The following CDK19 variants were observed in gnomAD, a reference collection of about 807,000 sequenced individuals.
The protein encoded by CDK19 is cyclin-dependent kinase 19.
Under a neutral mutation model 68.3 loss-of-function variants are expected in CDK19, and 20 were observed. That is an observed-to-expected ratio of 0.29 (90% CI 0.21 to 0.43). CDK19 has a LOEUF of 0.43. Among genes scored for constraint, CDK19 ranks in the 20% least tolerant of loss-of-function variants. CDK19 has a pLI of 1.00. For missense variants in CDK19, 339 were observed against 623.5 expected, an observed-to-expected ratio of 0.54 and a Z score of 4.86; for synonymous variants, 221 against 222.8, an observed-to-expected ratio of 0.99 and a Z score of 0.07.
intron 1 of CDK19, among the ~76,000 whole-genome samples, chr6:110,785,780 C>A (rs1274286845): frequency 2.0e-5 from 3 of 151,974 alleles, no homozygotes; most frequent in Non-Finnish European, 4.4e-5. Flanking sequence ...TGGGAGTTGG[C>A]GACCAGCCTG....
intron 1 of CDK19, among the ~76,000 whole-genome samples, chr6:110,789,822 T>A (rs1781472901): frequency 6.6e-6 from 1 of 152,216 alleles, no homozygotes; most frequent in African/African-American, 2.4e-5. Flanking sequence ...TTTTTCTTAA[T>A]TTTTTCCATA....
intron 4 of CDK19, among the ~76,000 whole-genome samples, chr6:110,666,424 CAAAAAAAAAAA>C (rs57791161): frequency 1.8e-3 from 85 of 47,926 alleles, no homozygotes; most frequent in African/African-American, 2.1e-3. Flanking sequence ...GACTCTGTCT[CAAAAAAAAAAA>C]AAAAAAAAAA....
intron 4 of CDK19, among the ~76,000 whole-genome samples, chr6:110,648,926 T>G (rs530378909): frequency 6.6e-6 from 1 of 151,622 alleles, no homozygotes; most frequent in Non-Finnish European, 1.5e-5. Flanking sequence ...ACCATGTTGG[T>G]CAGGCTGGTC....
chr6:110,641,592 CAAAAAAAA>C (rs773781094), intron 4 of CDK19, among the ~76,000 whole-genome samples: 1 of 31,322 alleles, frequency 3.2e-5, no homozygotes, highest in Non-Finnish European at 6.9e-5. Flanking sequence ...GAGACTCCAT[CAAAAAAAA>C]AAAAAAAAAA....
In CDK19 at chr6:110,611,121, G is replaced by A. The variant is rs1040956563; in HGVS notation, c.*3414C>T. On this transcript the variant is annotated 3_prime_UTR_variant, in exon 13 of 13. Transcript: ENST00000368911. ...CATGATCTACTTCATCACAAGGATT[G>A]TTTCAGCCTCATAGTATCAGCCCTG... 7 of 152,308 alleles carry A rather than the reference G, an allele frequency of 4.6e-5. No individual in the cohort carries two copies. In the Middle Eastern group the frequency reaches 0.01, roughly 222 times the overall value. The allele number at this position is 152,308 out of a possible 1,614,324, so 9.4% of individuals were successfully genotyped here. A position where few individuals can be genotyped will look rare whatever the true frequency, so the allele number is the denominator to read the frequency against.
At chr6:110,724,077 G>A (rs1286722552) in intron 2 of CDK19, among the ~76,000 whole-genome samples, 2 of 152,132 alleles carry the variant, frequency 1.3e-5, no homozygotes. Context: ...TATAGGGCCA[G>A]GCACAGTGGC....
rs993178775 is a variant in CDK19 at position 110,647,946 on chromosome 6, C to T, written c.457-9240G>A. Among the ~76,000 whole-genome samples, 7 of 152,086 alleles carry T rather than the reference C, an allele frequency of 4.6e-5. No individual in the cohort carries two copies. The East Asian group carries it at 5.8e-4, about 13-fold the overall frequency. The stretch of plus-strand genomic sequence containing the variant: ...CATGAGAAAATCTATGGAAGTTTAT[C>T]ACCATATGAACAGATTAAGAAGAAA... On this transcript the variant is annotated intron_variant, in intron 4 of 12. Coordinates refer to ENST00000368911, the MANE Select transcript of CDK19 (RefSeq NM_015076.5).
intron 5 of CDK19, among the ~76,000 whole-genome samples, chr6:110,634,302 T>C (rs759395112): frequency 6.6e-6 from 1 of 152,126 alleles, no homozygotes; most frequent in Non-Finnish European, 1.5e-5. Flanking sequence ...CTGCAACCTC[T>C]ACCTCCTAGG....
chr6:110,785,732 G>C (rs1781166142), intron 1 of CDK19, among the ~76,000 whole-genome samples: 2 of 152,132 alleles, frequency 1.3e-5, no homozygotes, highest in Non-Finnish European at 2.9e-5. Flanking sequence ...TGTAATCCCA[G>C]TACTTTGGGA....
intron 1 of CDK19, among the ~76,000 whole-genome samples, chr6:110,790,541 TAATAA>T (rs1435835682): frequency 1.3e-5 from 2 of 151,670 alleles, no homozygotes; most frequent in Admixed American, 6.6e-5. Flanking sequence ...TCTCAAAAAA[TAATAA>T]AATAAAATAA....
chr6:110,711,996 A>G (rs1205554749), intron 2 of CDK19, among the ~76,000 whole-genome samples: 2 of 152,170 alleles, frequency 1.3e-5, no homozygotes, highest in East Asian at 3.9e-4. Context: ...ATAAATTACA[A>G]CGAACTTCAG....
chr6:110,638,273 G>A (rs1779912985), intron 5 of CDK19, among the ~76,000 whole-genome samples: 1 of 152,138 alleles, frequency 6.6e-6, no homozygotes, highest in South Asian at 2.1e-4. Flanking sequence ...CTCAGGGTGG[G>A]GAGGAAAATA....
At chr6:110,774,446 G>A (rs1404859517) in intron 1 of CDK19, among the ~76,000 whole-genome samples, 1 of 152,142 alleles carries the variant, frequency 6.6e-6, no homozygotes, top group East Asian at 1.9e-4. Flanking sequence ...AGATATACTG[G>A]ACAAAGGGAT....
chr6:110,797,977 T>G (rs1325161921), intron 1 of CDK19, among the ~76,000 whole-genome samples: 25 of 94,948 alleles, frequency 2.6e-4, no homozygotes, highest in Admixed American at 9.7e-4. Flanking sequence ...AGAGCAAGAC[T>G]CCGTCTCAAA....
intron 1 of CDK19, among the ~76,000 whole-genome samples, chr6:110,810,060 A>G (rs1782968506): frequency 6.6e-6 from 1 of 152,228 alleles, no homozygotes; most frequent in Non-Finnish European, 1.5e-5. Flanking sequence ...GTGAATGTAG[A>G]ACAAAGAAAA....
In CDK19 at chr6:110,691,960, T is replaced by A. The variant is rs188548325; in HGVS notation, c.205-21419A>T. Among the ~76,000 whole-genome samples, 713 of 146,402 alleles carry A rather than the reference T, an allele frequency of 4.9e-3. 22 individuals are homozygous for A. The East Asian group carries it at 0.067, about 14-fold the overall frequency. ...TGTGCCCGGCCCCCCATCTCTATTT[T>A]AAAAAAAAAAGAAAGAAAAATCAAT... is the stretch of plus-strand genomic sequence containing the variant. On this transcript the variant is annotated intron_variant, in intron 2 of 12. Transcript: ENST00000368911.
intron 1 of CDK19, among the ~76,000 whole-genome samples, chr6:110,788,647 C>CTGTGG (rs1253521477): frequency 6.6e-6 from 1 of 152,136 alleles, no homozygotes; most frequent in Non-Finnish European, 1.5e-5. Context: ...CACAGAGAAG[C>CTGTGG]TGTATCTTTT....
At chr6:110,707,535 A>G (rs967218176) in intron 2 of CDK19, among the ~76,000 whole-genome samples, 11 of 152,212 alleles carry the variant, frequency 7.2e-5, no homozygotes, top group Admixed American at 2.6e-4. Flanking sequence ...AAAAATGGGA[A>G]CACACTAACC....
rs181206927 is a variant in CDK19 at position 110,694,438 on chromosome 6, A to G, written c.205-23897T>C. On this transcript the variant is annotated intron_variant, in intron 2 of 12. Coordinates refer to ENST00000368911, the MANE Select transcript of CDK19 (RefSeq NM_015076.5). ...AAGACGGACATTATATAATGATAAA[A>G]GGATCGGTCCAACAGAAAAGTATCA... Among the ~76,000 whole-genome samples the G allele has an allele frequency of 2.9e-3, 439 of 152,346 alleles. 1 individual carries two copies. The highest frequency in any genetic ancestry group is 7.8e-3 in the Admixed American group (120 of 15,300).
Sources: gnomAD v4.1 joint callset for allele counts (sites outside exome capture counted in the v4.1 genomes callset) on GRCh38, gnomAD v4.1.1 for gene constraint, MANE v1.5 for transcripts, NCBI Gene and HGNC (gene_info 2026-07-23, HGNC 2026-07-21) for gene names.